FAM181A: variants seen among roughly 807,000 people sequenced by gnomAD.
FAM181A encodes protein FAM181A.
FAM181A carries 7 observed loss-of-function variants against 16.3 expected under a neutral mutation model. The ratio of observed to expected loss-of-function variants is 0.43; its 90% CI spans 0.24 to 0.81. FAM181A has a LOEUF of 0.81. Among genes scored for constraint, FAM181A ranks in the 30% least tolerant of loss-of-function variants. The pLI is 0.24. For missense variants in FAM181A, 349 were observed against 377.5 expected, an observed-to-expected ratio of 0.92 and a Z score of 0.63; for synonymous variants, 183 against 164.9, an observed-to-expected ratio of 1.11 and a Z score of -0.84.
At chr14:93,926,727 G>GGCATCA (rs1233679927), upstream of FAM181A, among the ~76,000 whole-genome samples, 1 of 152,150 alleles carries the variant, frequency 6.6e-6, no homozygotes, top group Non-Finnish European at 1.5e-5. This position sits in a 1 kb window ranked among gnomAD's most constrained non-coding sequence, Gnocchi z 5.2. Flanking sequence ...TTTTCCGACA[G>GGCATCA]GCATCAGCGC....
At position 93,928,249 on chromosome 14, in the gene FAM181A, C is replaced by T. The variant is rs776455593; in HGVS notation, c.-37C>T. 130 of 1,613,702 alleles carry T rather than the reference C, an allele frequency of 8.1e-5. No individual in the cohort carries two copies. The highest frequency in any genetic ancestry group is 1.0e-4 in the Non-Finnish European group (123 of 1,180,026). On this transcript the variant is annotated 5_prime_UTR_variant, in exon 2 of 2. Transcript: ENST00000556222. Reference sequence around the variant, plus strand: ...CTGCCGGCCACCAGCAGAGCCTACCCTCTTCATGGAAAGCCTCGTGCAGTG... The same window carrying T: ...CTGCCGGCCACCAGCAGAGCCTACCTTCTTCATGGAAAGCCTCGTGCAGTG...
upstream of FAM181A, chr14:93,925,252 A>T (rs1369419952): frequency 2.5e-6 from 4 of 1,611,724 alleles, no homozygotes; most frequent in Non-Finnish European, 3.4e-6. Flanking sequence ...AGCTGAGCTG[A>T]GTGGCTCTAA....
At position 93,928,732 on chromosome 14, in the gene FAM181A, C is replaced by T; in HGVS notation, c.447C>T (p.Tyr149=). ...FWEEPRPTHS[Y]HVGLEGGLGP... ...AAGAGCCAAGGCCCACCCACAGCTA[C>T]CATGTGGGGCTGGAGGGGGGACTGG... The change falls in exon 2 of 2, where the codon TAC becomes TAT. Residue 149 remains tyrosine, a synonymous_variant. Transcript: ENST00000556222. 1 of 1,613,960 alleles carries T rather than the reference C, an allele frequency of 6.2e-7. No individual in the cohort carries two copies. The highest frequency in any genetic ancestry group is 8.5e-7 in the Non-Finnish European group (1 of 1,179,964).
chr14:93,920,701 T>G (rs1595280886), intron 1 of FAM181A, among the ~76,000 whole-genome samples: 1 of 152,070 alleles, frequency 6.6e-6, no homozygotes, highest in Non-Finnish European at 1.5e-5. Context: ...ATAAAGAGGA[T>G]CTACAAAATT....
At chr14:93,927,629 A>T in intron 1 of FAM181A, 175 bp downstream of exon 1, 2 of 1,284,400 alleles carry the variant, frequency 1.6e-6, no homozygotes, top group Non-Finnish European at 2.0e-6. Context: ...CCCGCAAGGC[A>T]GGTCTCGATT....
In FAM181A at chr14:93,928,206, C is replaced by T. The variant is rs377346763; in HGVS notation, c.-80C>T. 1.9e-5 allele frequency: 30 copies of T among 1,612,628 alleles called. No homozygotes were observed. Among genetic ancestry groups the T allele is most frequent in the Admixed American group, 6.7e-5 (4 of 59,998 alleles). ...GCCTGTTTTGTCCCCCAGGTCAGCT[C>T]GGTGCCCTTCCTTGGAGCTGCCGGC... On this transcript the variant is annotated 5_prime_UTR_variant, in exon 2 of 2. Coordinates refer to ENST00000556222, the MANE Select transcript of FAM181A (RefSeq NM_001207073.2).
chr14:93,921,144 A>C (rs1887708460), intron 1 of FAM181A, among the ~76,000 whole-genome samples: 1 of 152,232 alleles, frequency 6.6e-6, no homozygotes, highest in Non-Finnish European at 1.5e-5. Context: ...GATGTAATTC[A>C]ACCAGGAAAC....
Position 93,928,524 on chromosome 14 carries a change from T to G in FAM181A, c.239T>G (p.Leu80Arg). The change falls in exon 2 of 2, where the codon CTC (leucine) becomes CGC (arginine). Residue 80 changes from leucine (L) to arginine (R), a missense_variant. Transcript: ENST00000556222. ...TCTGAGGACCGGCCCAGGAGGCTGC[T>G]CCTGGATTTGGGCCCTGATTCCAGC... ...RGSEDRPRRL[L>R]LDLGPDSSPG... The G allele has an allele frequency of 6.2e-7, 1 of 1,611,394 alleles. No homozygotes were observed. The highest frequency in any genetic ancestry group is 8.5e-7 in the Non-Finnish European group (1 of 1,178,168).
upstream of FAM181A, chr14:93,925,137 G>A (rs1228844907): frequency 1.3e-6 from 1 of 750,770 alleles, no homozygotes; most frequent in South Asian, 1.7e-5. Context: ...CGGGCCTGGT[G>A]GGGAGGCTTA....
In FAM181A at chr14:93,929,280, G is replaced by T; in HGVS notation, c.*116G>T. The T allele has an allele frequency of 3.7e-6, 5 of 1,345,800 alleles. No individual in the cohort carries two copies. Among genetic ancestry groups the T allele is most frequent in the East Asian group, 4.8e-5 (2 of 41,664 alleles). The allele number at this position is 1,345,800 out of a possible 1,614,324, so 83.4% of individuals were successfully genotyped here. A position where few individuals can be genotyped will look rare whatever the true frequency, so the allele number is the denominator to read the frequency against. On this transcript the variant is annotated 3_prime_UTR_variant, in exon 2 of 2. Coordinates refer to ENST00000556222, the MANE Select transcript of FAM181A (RefSeq NM_001207073.2). Reference sequence around the variant, plus strand: ...AGTGTGGCCTCTTCCGTTTGTGTGCGCATGGGAGTGGAGGGCAGGATTGGG... The same window carrying T: ...AGTGTGGCCTCTTCCGTTTGTGTGCTCATGGGAGTGGAGGGCAGGATTGGG...
intron 1 of FAM181A, among the ~76,000 whole-genome samples, chr14:93,919,910 C>T (rs1887661123): frequency 6.6e-6 from 1 of 150,516 alleles, no homozygotes; most frequent in African/African-American, 2.4e-5. Flanking sequence ...GCCATGCCCT[C>T]AGAAAAAGAA....
At chr14:93,924,945 T>C, upstream of FAM181A, 1 of 354,458 alleles carries the variant, frequency 2.8e-6, no homozygotes, top group Admixed American at 5.1e-5. Context: ...AATACGGCTC[T>C]TGGCACATGC....
chr14:93,927,878 C>A (rs1887977421), intron 1 of FAM181A, among the ~76,000 whole-genome samples: 1 of 152,138 alleles, frequency 6.6e-6, no homozygotes, highest in Admixed American at 6.5e-5. Context: ...GGAGATGGGG[C>A]AGGCTGGGAG....
At chr14:93,919,898 A>G (rs968032647) in intron 1 of FAM181A, among the ~76,000 whole-genome samples, 2 of 152,182 alleles carry the variant, frequency 1.3e-5, no homozygotes, top group Non-Finnish European at 2.9e-5. Context: ...TCAATGATCA[A>G]AGCCATGCCC....
Position 93,927,359 on chromosome 14 carries a change from G to A in FAM181A, c.-183G>A. On this transcript the variant is annotated 5_prime_UTR_variant, in exon 1 of 2. Coordinates refer to ENST00000556222, the MANE Select transcript of FAM181A (RefSeq NM_001207073.2). ...CTCAAGGGTTGCACAACTGCTTCCA[G>A]CCGGACGGAGCTCGGCCGGCTGCGC... is the stretch of plus-strand genomic sequence containing the variant. The A allele has an allele frequency of 8.9e-7, 1 of 1,128,740 alleles. No homozygotes were observed. 69.9% of individuals were successfully genotyped at this position (1,128,740 alleles called of 1,614,324 possible).
chr14:93,928,851 G>C lies in FAM181A; in HGVS notation c.566G>C (p.Arg189Thr), dbSNP rs1193247172. Residue 189 changes from arginine (R) to threonine (T), a missense_variant, in exon 2 of 2, where the codon AGG becomes ACG. Arg to Thr is a moderately conservative substitution (Grantham distance 71, BLOSUM62 -1). Coordinates refer to ENST00000556222, the MANE Select transcript of FAM181A (RefSeq NM_001207073.2). The stretch of plus-strand genomic sequence containing the variant: ...ACTACCCTGGTGTCCATGTCTCCAA[G>C]GGCCCTGGCTGAAAAGGAGCCGCTC... ...PETTLVSMSP[R>T]ALAEKEPLKM... The C allele has an allele frequency of 6.2e-7, 1 of 1,614,086 alleles. No individual in the cohort carries two copies. Among genetic ancestry groups the C allele is most frequent in the East Asian group, 2.2e-5 (1 of 44,870 alleles).
At chr14:93,920,246 T>G (rs894068919) in intron 1 of FAM181A, among the ~76,000 whole-genome samples, 1 of 152,078 alleles carries the variant, frequency 6.6e-6, no homozygotes, top group South Asian at 2.1e-4. Context: ...AGACCTCCTC[T>G]CTACAAAAAA....
chr14:93,922,680 A>T (rs1215251442), upstream of FAM181A, among the ~76,000 whole-genome samples: 1 of 152,182 alleles, frequency 6.6e-6, no homozygotes, highest in Non-Finnish European at 1.5e-5. Flanking sequence ...ACAGAGCGAG[A>T]CTCTATCTCA....
intron 1 of FAM181A, 144 bp downstream of exon 1, chr14:93,927,598 C>G: frequency 1.6e-6 from 2 of 1,287,026 alleles, no homozygotes; most frequent in Non-Finnish European, 2.0e-6. Context: ...GGAATCCCTG[C>G]TGCCCGCAGC....
Sources: gnomAD v4.1 joint callset for allele counts (sites outside exome capture counted in the v4.1 genomes callset) on GRCh38, gnomAD v4.1.1 for gene constraint, Gnocchi (gnomAD v3.1) non-coding constraint, MANE v1.5 for transcripts, NCBI Gene and HGNC (gene_info 2026-07-23, HGNC 2026-07-21) for gene names.